The following RERG variants were observed in gnomAD, a reference collection of about 807,000 sequenced individuals.
RERG encodes the protein ras-related and estrogen-regulated growth inhibitor.
A neutral mutation model predicts 23.2 loss-of-function variants in RERG; 25 were observed. The observed-to-expected ratio is 1.08, with a 90% CI of 0.79 to 1.50. The LOEUF is 1.50. RERG is among the 40% of genes most tolerant of loss of function. The pLI is 0.00. For missense variants in RERG, 253 were observed against 250.1 expected, an observed-to-expected ratio of 1.01 and a Z score of -0.08; for synonymous variants, 81 against 89.1, an observed-to-expected ratio of 0.91 and a Z score of 0.51.
chr12:15,135,373 T>A (rs1380924574), intron 2 of RERG, among the ~76,000 whole-genome samples: 2 of 141,386 alleles, frequency 1.4e-5, no homozygotes, highest in South Asian at 4.6e-4. Context: ...ACAGTTATAT[T>A]TTTTTCTTCC....
At chr12:15,166,582 A>AG (rs1372675078) in intron 2 of RERG, among the ~76,000 whole-genome samples, 1 of 150,994 alleles carries the variant, frequency 6.6e-6, no homozygotes, top group Non-Finnish European at 1.5e-5. Context: ...TGGTGGTGGT[A>AG]GGGGTGGTGC....
Position 15,221,204 on chromosome 12 carries a change from C to T in RERG, c.-124G>A, listed in dbSNP as rs1865508107. 6.6e-6 allele frequency: 1 copy of T among 152,296 alleles called. No homozygotes were observed. The highest frequency in any genetic ancestry group is 2.4e-5 in the African/African-American group (1 of 41,462). The allele number at this position is 152,296 out of a possible 1,614,324, so 9.4% of individuals were successfully genotyped here. A position where few individuals can be genotyped will look rare whatever the true frequency, so the allele number is the denominator to read the frequency against. ...CGTGCGTGACACTCACCTGTTCACA[C>T]TCTCCAGGCCAGGAGAGCTACGGTC... is the stretch of plus-strand genomic sequence containing the variant. On this transcript the variant is annotated 5_prime_UTR_variant, in exon 1 of 5. The change creates a new upstream start codon in the 5' untranslated region. Transcript: ENST00000256953.
In RERG at chr12:15,146,376, A is replaced by C. The variant is rs374335864; in HGVS notation, c.62-25257T>G. 2.6e-3 allele frequency among the ~76,000 whole-genome samples: 389 copies of C among 152,314 alleles called. 6 individuals are homozygous for C. In the South Asian group the frequency reaches 0.047, roughly 18 times the overall value. On this transcript the variant is annotated intron_variant, in intron 2 of 4. Transcript: ENST00000256953. The stretch of plus-strand genomic sequence containing the variant: ...GGCTGGTCTGGGATAGCCATATTTT[A>C]CAGACATCATCCCAGCATAATTTTT...
chr12:15,186,662 T>C (rs1864997167), intron 2 of RERG, among the ~76,000 whole-genome samples: 3 of 152,014 alleles, frequency 2.0e-5, no homozygotes, highest in African/African-American at 4.8e-5. Context: ...CAAAGAAAGA[T>C]TTGGAGGCCA....
chr12:15,180,858 GGAGT>G (rs1372930572), intron 2 of RERG, among the ~76,000 whole-genome samples: 3 of 152,144 alleles, frequency 2.0e-5, no homozygotes, highest in African/African-American at 7.2e-5. Context: ...TCCAAACTGG[GGAGT>G]AAGACCACAC....
chr12:15,114,643 T>C (rs1342999593), intron 3 of RERG: 1 of 152,114 alleles, frequency 6.6e-6, no homozygotes, highest in Non-Finnish European at 1.5e-5. Flanking sequence ...CTGTGGTACA[T>C]CATTTTGAAG....
chr12:15,123,759 T>C (rs541176323), intron 2 of RERG, among the ~76,000 whole-genome samples: 16 of 152,114 alleles, frequency 1.1e-4, no homozygotes, highest in African/African-American at 3.4e-4. Context: ...CCATCCCAAC[T>C]ATCTTGAGCA....
At chr12:15,155,964 G>T (rs549603395) in intron 2 of RERG, among the ~76,000 whole-genome samples, 1 of 149,730 alleles carries the variant, frequency 6.7e-6, no homozygotes, top group African/African-American at 2.4e-5. Flanking sequence ...CCTGCACAAA[G>T]TGCACATGTA....
intron 2 of RERG, among the ~76,000 whole-genome samples, chr12:15,164,528 C>T (rs114543655): frequency 0.013 from 1,995 of 152,290 alleles, 35 homozygotes; most frequent in South Asian, 0.045. Context: ...ACCTATTAGA[C>T]GTCCTGTATC....
chr12:15,191,184 C>T (rs576356744), intron 2 of RERG, among the ~76,000 whole-genome samples: 1 of 152,228 alleles, frequency 6.6e-6, no homozygotes, highest in African/African-American at 2.4e-5. Context: ...GATCTTCAGA[C>T]AATCATATTT....
intron 2 of RERG, among the ~76,000 whole-genome samples, chr12:15,124,567 T>C (rs543791235): frequency 6.6e-6 from 1 of 152,170 alleles, no homozygotes; most frequent in South Asian, 2.1e-4. Context: ...ACAATGTATA[T>C]AATGCAATTT....
intron 2 of RERG, among the ~76,000 whole-genome samples, chr12:15,177,227 C>T (rs1213210074): frequency 1.3e-5 from 2 of 152,150 alleles, no homozygotes; most frequent in Admixed American, 6.5e-5. Context: ...CTGAGGAGGT[C>T]AGATCACCTG....
At position 15,108,680 on chromosome 12, in the gene RERG, A is replaced by C. The variant is rs1863542604; in HGVS notation, c.*430T>G. ...TAGAGTTCCTTCTATTTCCTGTTCC[A>C]ATAGCTCAGCTTCTTCTCCTGTGTT... On this transcript the variant is annotated 3_prime_UTR_variant, in exon 5 of 5. Transcript: ENST00000256953. 6.5e-6 allele frequency: 1 copy of C among 154,444 alleles called. No individual in the cohort carries two copies. The highest frequency in any genetic ancestry group is 1.4e-5 in the Non-Finnish European group (1 of 69,702). 9.6% of individuals were successfully genotyped at this position (154,444 alleles called of 1,614,324 possible).
At chr12:15,141,896 T>C (rs567318308) in intron 2 of RERG, among the ~76,000 whole-genome samples, 82 of 152,352 alleles carry the variant, frequency 5.4e-4, no homozygotes, top group African/African-American at 1.7e-3. Context: ...GGCTCAGCCA[T>C]GTGTTATATA....
At chr12:15,156,122 T>C (rs1280338270) in intron 2 of RERG, among the ~76,000 whole-genome samples, 5 of 152,100 alleles carry the variant, frequency 3.3e-5, no homozygotes, top group South Asian at 2.1e-4. Flanking sequence ...CTTGAGCTTA[T>C]TAATTATGAT....
At chr12:15,143,313 C>T (rs1223582843) in intron 2 of RERG, among the ~76,000 whole-genome samples, 1 of 137,260 alleles carries the variant, frequency 7.3e-6, no homozygotes, top group Non-Finnish European at 1.6e-5. Context: ...ATAATATACA[C>T]ACACACGTGT....
At chr12:15,171,845 G>A (rs1377899173) in intron 2 of RERG, among the ~76,000 whole-genome samples, 1 of 152,028 alleles carries the variant, frequency 6.6e-6, no homozygotes, top group Non-Finnish European at 1.5e-5. Context: ...TATTAATAAC[G>A]AGAATCATAC....
chr12:15,132,662 T>A (rs12814430), intron 2 of RERG, among the ~76,000 whole-genome samples: 102,191 of 152,040 alleles, frequency 0.67, 34,414 homozygotes, highest in Admixed American at 0.75. Context: ...ATCAGTAACG[T>A]GTGAGAGCTC....
At chr12:15,213,996 A>ATG (rs59427690) in intron 2 of RERG, among the ~76,000 whole-genome samples, 2,218 of 130,978 alleles carry the variant, frequency 0.017, 34 homozygotes, top group African/African-American at 0.047. Context: ...CAGAGAAAGT[A>ATG]TGTGTGTGTG....
Sources: gnomAD v4.1 joint callset for allele counts (sites outside exome capture counted in the v4.1 genomes callset) on GRCh38, gnomAD v4.1.1 for gene constraint, MANE v1.5 for transcripts, NCBI Gene and HGNC (gene_info 2026-07-23, HGNC 2026-07-21) for gene names.